The following KAT2B variants were observed in gnomAD, a reference collection of about 807,000 sequenced individuals.
KAT2B encodes the protein histone acetyltransferase KAT2B.
In KAT2B, 36 loss-of-function variants were observed where a neutral mutation model predicts 105.9. That is an observed-to-expected ratio of 0.34 (90% CI 0.26 to 0.45). The LOEUF is 0.45. KAT2B is among the 20% of genes least tolerant of loss of function. The probability of loss-of-function intolerance (pLI) is 1.00; values close to 1 mark genes in which losing one functional copy is unlikely to be tolerated. For synonymous variants in KAT2B, 397 were observed against 377.9 expected (o/e 1.05, Z -0.59); for missense variants, 820 against 1,021.6 (o/e 0.80, Z 2.69).
chr3:20,132,763 A>G (rs1485629702), intron 11 of KAT2B, among the ~76,000 whole-genome samples: 1 of 152,224 alleles, frequency 6.6e-6, no homozygotes, highest in Non-Finnish European at 1.5e-5. Flanking sequence ...GATGAAAAAT[A>G]TCTTATGCAG....
intron 14 of KAT2B, among the ~76,000 whole-genome samples, chr3:20,146,811 G>C (rs2125197273): frequency 6.6e-6 from 1 of 152,288 alleles, no homozygotes; most frequent in Middle Eastern, 3.4e-3. Context: ...GCCAGTAACG[G>C]TCAGAATTAG....
intron 11 of KAT2B, among the ~76,000 whole-genome samples, chr3:20,132,177 C>A (rs1699522315): frequency 6.6e-6 from 1 of 152,086 alleles, no homozygotes; most frequent in Admixed American, 6.6e-5. Flanking sequence ...GAGTTTGAGA[C>A]CAGCCTGACC....
At chr3:20,074,390 A>G (rs1173350703) in intron 2 of KAT2B, among the ~76,000 whole-genome samples, 4 of 152,196 alleles carry the variant, frequency 2.6e-5, no homozygotes, top group Non-Finnish European at 4.4e-5. Flanking sequence ...GTATGAGCAC[A>G]TTACTTAATC....
chr3:20,078,285 T>G (rs1477932625), intron 2 of KAT2B, among the ~76,000 whole-genome samples: 1 of 152,236 alleles, frequency 6.6e-6, no homozygotes, highest in Non-Finnish European at 1.5e-5. Flanking sequence ...TTTCTATTGT[T>G]ATTTTGGAGT....
At chr3:20,098,481 T>C (rs1324216089) in intron 3 of KAT2B, among the ~76,000 whole-genome samples, 1 of 152,166 alleles carries the variant, frequency 6.6e-6, no homozygotes, top group Non-Finnish European at 1.5e-5. Context: ...CCATGAAGAT[T>C]GTCTGTTGAA....
chr3:20,146,171 C>A, intron 13 of KAT2B, 145 bp from the exon 14 acceptor site: 1 of 613,384 alleles, frequency 1.6e-6, no homozygotes, highest in African/African-American at 1.8e-5. Context: ...TCATTTCTTA[C>A]TTGTTAAATA....
intron 1 of KAT2B, among the ~76,000 whole-genome samples, chr3:20,054,759 A>G (rs1697977005): frequency 6.6e-6 from 1 of 152,244 alleles, no homozygotes; most frequent in Admixed American, 6.5e-5. Context: ...GCAGAATGCC[A>G]AAGATGCCAA....
At chr3:20,075,658 G>A (rs1389064057) in intron 2 of KAT2B, among the ~76,000 whole-genome samples, 3 of 152,120 alleles carry the variant, frequency 2.0e-5, no homozygotes, top group Non-Finnish European at 4.4e-5. Flanking sequence ...TAATATAAAG[G>A]ATACACAGAC....
chr3:20,145,625 A>G (rs928965172), intron 13 of KAT2B, among the ~76,000 whole-genome samples: 1 of 136,002 alleles, frequency 7.4e-6, no homozygotes, highest in African/African-American at 2.8e-5. Flanking sequence ...ACCTCAGCAT[A>G]TTAATAATTA....
At chr3:20,051,647 G>T (rs1697917796) in intron 1 of KAT2B, among the ~76,000 whole-genome samples, 1 of 152,166 alleles carries the variant, frequency 6.6e-6, no homozygotes, top group Non-Finnish European at 1.5e-5. Flanking sequence ...AGAACTACTT[G>T]CTGAGGCCAT....
intron 2 of KAT2B, among the ~76,000 whole-genome samples, chr3:20,080,545 A>G (rs111703472): frequency 0.012 from 1,768 of 152,296 alleles, 29 homozygotes; most frequent in African/African-American, 0.033. Flanking sequence ...TTTGTAATAT[A>G]TTTAGTTCGT....
chr3:20,088,353 G>A (rs1698657001), intron 2 of KAT2B, among the ~76,000 whole-genome samples: 1 of 152,266 alleles, frequency 6.6e-6, no homozygotes, highest in Middle Eastern at 3.4e-3. Flanking sequence ...CATACTGGCT[G>A]TACTAATTTA....
intron 1 of KAT2B, among the ~76,000 whole-genome samples, chr3:20,057,708 C>T (rs1168982370): frequency 6.6e-6 from 1 of 152,110 alleles, no homozygotes; most frequent in Non-Finnish European, 1.5e-5. Context: ...CCTCCTGAGG[C>T]CTTTTCAGGG....
In KAT2B at chr3:20,152,620, A is replaced by G; in HGVS notation, c.*95A>G. 2 of 939,944 alleles carry G rather than the reference A, an allele frequency of 2.1e-6. No homozygotes were observed. Among genetic ancestry groups the G allele is most frequent in the Non-Finnish European group, 3.2e-6 (2 of 629,396 alleles). 58.2% of individuals were successfully genotyped at this position (939,944 alleles called of 1,614,324 possible). A position where few individuals can be genotyped will look rare whatever the true frequency, so the allele number is the denominator to read the frequency against. On this transcript the variant is annotated 3_prime_UTR_variant, in exon 18 of 18. Transcript: ENST00000263754. Reference sequence around the variant, plus strand: ...ACAAAGAATTGGACATGATGTATTGAAGAGACTTGTAAATGTAATAATTAG... The same window carrying G: ...ACAAAGAATTGGACATGATGTATTGGAGAGACTTGTAAATGTAATAATTAG...
At chr3:20,040,828 C>G in intron 1 of KAT2B, 48 bp downstream of exon 1, 2 of 1,521,250 alleles carry the variant, frequency 1.3e-6, no homozygotes, top group East Asian at 2.6e-5. Context: ...AGGGGCCCAG[C>G]CCGCGGGACC....
intron 4 of KAT2B, 94 bp from the exon 5 acceptor site, chr3:20,101,193 T>C (rs1698903526): frequency 1.1e-6 from 1 of 949,432 alleles, no homozygotes. Context: ...GTCTGTTATT[T>C]TGCTAATAAC....
rs913095519 is a variant in KAT2B at position 20,122,942 on chromosome 3, G to A, written c.1413+138G>A. On this transcript the variant is annotated intron_variant, in intron 9 of 17. Transcript: ENST00000263754. ...TGGTTTGCATTTAACCTGGTGGTCA[G>A]TGTGGAGAGGGCAGGAACAACTGAT... 12 of 1,368,932 alleles carry A rather than the reference G, an allele frequency of 8.8e-6. No individual in the cohort carries two copies. In the African/African-American group the frequency reaches 1.6e-4, roughly 18 times the overall value. 84.8% of individuals were successfully genotyped at this position (1,368,932 alleles called of 1,614,324 possible).
chr3:20,062,580 G>T (rs1396077858), intron 1 of KAT2B, among the ~76,000 whole-genome samples: 1 of 150,376 alleles, frequency 6.6e-6, no homozygotes, highest in African/African-American at 2.5e-5. Flanking sequence ...TCTTGCCTCA[G>T]CTTCCCGAGT....
intron 1 of KAT2B, among the ~76,000 whole-genome samples, chr3:20,069,905 A>C (rs530535625): frequency 6.6e-6 from 1 of 152,042 alleles, no homozygotes; most frequent in Non-Finnish European, 1.5e-5. Flanking sequence ...TCTCCTATTC[A>C]CTGTCTTCAT....
Sources: allele counts gnomAD v4.1 joint callset (sites outside exome capture counted in the v4.1 genomes callset), GRCh38; gene constraint gnomAD v4.1.1; transcripts MANE v1.5; gene names NCBI Gene and HGNC (gene_info 2026-07-23, HGNC 2026-07-21).